Variants in MTUS1 observed in about 807,000 individuals in gnomAD.
MTUS1 encodes microtubule associated scaffold protein 1.
A neutral mutation model predicts 120.8 loss-of-function variants in MTUS1; 109 were observed. That is an observed-to-expected ratio of 0.90 (90% confidence interval 0.77 to 1.06). The LOEUF (loss-of-function observed/expected upper bound fraction) is 1.06. MTUS1 is among the 50% of genes least tolerant of loss of function. The pLI is 0.00. For synonymous variants in MTUS1, 737 were observed against 550.5 expected (o/e 1.34, Z -4.74); for missense variants, 2,210 against 1,486.3 (o/e 1.49, Z -8.01).
At chr8:17,730,397 A>G (rs1207739030) in intron 3 of MTUS1, among the ~76,000 whole-genome samples, 1 of 151,950 alleles carries the variant, frequency 6.6e-6, no homozygotes, top group Non-Finnish European at 1.5e-5. Context: ...AGGTAGGAGA[A>G]TCACTTGAGC....
At chr8:17,658,936 C>G (rs1013554942) in intron 8 of MTUS1, among the ~76,000 whole-genome samples, 1 of 150,668 alleles carries the variant, frequency 6.6e-6, no homozygotes, top group Non-Finnish European at 1.5e-5. Flanking sequence ...AATCAATCTA[C>G]AAATGTTTAT....
chr8:17,799,417 T>A (rs959366240), intron 1 of MTUS1, among the ~76,000 whole-genome samples: 41 of 152,006 alleles, frequency 2.7e-4, no homozygotes, highest in South Asian at 1.2e-3. Context: ...CTATAAAAAA[T>A]TTTTCTATAT....
intron 1 of MTUS1, among the ~76,000 whole-genome samples, chr8:17,775,651 G>A (rs937481310): frequency 1.3e-5 from 2 of 152,214 alleles, no homozygotes; most frequent in South Asian, 4.1e-4. Context: ...TCATAGAAGA[G>A]TAAAATTATC....
In MTUS1 at chr8:17,645,953, G is replaced by T. The variant is rs776074600; in HGVS notation, c.3786C>A (p.Phe1262Leu). ...PLQSPRNSGS[F>L]PSPSISPR ...ATCTGGGTGAAATGCTGGGGCTAGG[G>T]AAGGAGCCCGAATTCCTTGGTGACT... Residue 1262 changes from phenylalanine (F) to leucine (L), a missense_variant, in exon 15 of 15, where the codon TTC becomes TTA. By Grantham distance (22) the Phe-to-Leu change is conservative. Transcript: ENST00000693296. The T allele has an allele frequency of 3.7e-6, 6 of 1,612,344 alleles. No individual in the cohort carries two copies. The African/African-American group carries it at 6.7e-5, about 18-fold the overall frequency.
chr8:17,652,864 G>A (rs1807331104), intron 12 of MTUS1, among the ~76,000 whole-genome samples: 1 of 150,956 alleles, frequency 6.6e-6, no homozygotes, highest in African/African-American at 2.4e-5. Context: ...AGTGAACTTT[G>A]TAGTTTGTTT....
intron 8 of MTUS1, among the ~76,000 whole-genome samples, chr8:17,659,270 G>C (rs1292403674): frequency 6.6e-6 from 1 of 152,216 alleles, no homozygotes; most frequent in African/African-American, 2.4e-5. Context: ...AGAGACAACA[G>C]ACAGAGGAGA....
intron 2 of MTUS1, among the ~76,000 whole-genome samples, chr8:17,751,566 G>GA (rs61384260): frequency 0.73 from 110,562 of 151,806 alleles, 42,547 homozygotes; most frequent in Middle Eastern, 0.89. Context: ...ACATGATCGT[G>GA]AAAAAAGAGT....
At chr8:17,791,507 C>T (rs1227110490) in intron 1 of MTUS1, among the ~76,000 whole-genome samples, 1 of 152,150 alleles carries the variant, frequency 6.6e-6, no homozygotes, top group Admixed American at 6.5e-5. Context: ...AATTGTCTTT[C>T]GAATGTGCTG....
Position 17,680,464 on chromosome 8 carries a change from C to CAAAAA in MTUS1, c.2838+3859_2838+3863dup, listed in dbSNP as rs58490523. Among the ~76,000 whole-genome samples, 20 of 24,298 alleles carry CAAAAA rather than the reference C, an allele frequency of 8.2e-4. 2 individuals carry two copies. The highest frequency in any genetic ancestry group is 1.4e-3 in the Non-Finnish European group (16 of 11,642). 15.9% of individuals were successfully genotyped at this position (24,298 alleles called of 152,430 possible). ...GGGTGACAGAGCAAGGCCACTGTCG[C>CAAAAA]AAAAAAAAAAAAAAAAAAAAAAAAA... On this transcript the variant is annotated intron_variant, in intron 7 of 14. Transcript: ENST00000693296.
chr8:17,719,860 G>C (rs1585935255), intron 4 of MTUS1, among the ~76,000 whole-genome samples: 1 of 152,236 alleles, frequency 6.6e-6, no homozygotes, highest in African/African-American at 2.4e-5. Flanking sequence ...TTAATCACTT[G>C]AACAACTCAA....
At chr8:17,728,127 G>A (rs886894329) in intron 3 of MTUS1, among the ~76,000 whole-genome samples, 6 of 152,164 alleles carry the variant, frequency 3.9e-5, no homozygotes, top group Admixed American at 6.5e-5. Context: ...GTAGAATGGC[G>A]CTTGCCAGGG....
chr8:17,722,233 C>G (rs2045900403), intron 4 of MTUS1: 1 of 999,170 alleles, frequency 1.0e-6, no homozygotes, highest in Non-Finnish European at 1.2e-6. Context: ...AAACGGTGGC[C>G]AAGTCAACAT....
chr8:17,659,300 A>G (rs1393760056), intron 8 of MTUS1, among the ~76,000 whole-genome samples: 1 of 152,190 alleles, frequency 6.6e-6, no homozygotes, highest in Non-Finnish European at 1.5e-5. Context: ...ACCAGGCCAG[A>G]CCTTGGGGCC....
At chr8:17,674,597 G>A (rs980580780) in intron 8 of MTUS1, 2 of 986,018 alleles carry the variant, frequency 2.0e-6, no homozygotes, top group Non-Finnish European at 2.4e-6. Context: ...GGGCTGGGTG[G>A]TGGGTGTTGA....
At chr8:17,718,899 G>C (rs1480464318) in intron 4 of MTUS1, among the ~76,000 whole-genome samples, 1 of 151,306 alleles carries the variant, frequency 6.6e-6, no homozygotes, top group Non-Finnish European at 1.5e-5. Context: ...GCTGGGCACA[G>C]TGGCTCACAA....
chr8:17,694,313 T>C (rs1817533747), intron 6 of MTUS1, among the ~76,000 whole-genome samples: 1 of 152,192 alleles, frequency 6.6e-6, no homozygotes, highest in African/African-American at 2.4e-5. Context: ...TTTCAAATGA[T>C]GGAGTCTTAG....
chr8:17,778,389 T>G (rs557541889), intron 1 of MTUS1, among the ~76,000 whole-genome samples: 6 of 152,304 alleles, frequency 3.9e-5, no homozygotes, highest in African/African-American at 7.2e-5. Flanking sequence ...CAAGGAAACT[T>G]TGAAATAATG....
chr8:17,711,288 C>A (rs930226238), intron 6 of MTUS1, among the ~76,000 whole-genome samples: 1 of 152,222 alleles, frequency 6.6e-6, no homozygotes, highest in Non-Finnish European at 1.5e-5. Context: ...TTCACCTACA[C>A]TGAATGTCTG....
intron 1 of MTUS1, among the ~76,000 whole-genome samples, chr8:17,775,143 G>A (rs530557653): frequency 9.9e-5 from 15 of 152,160 alleles, no homozygotes; most frequent in African/African-American, 3.6e-4. Flanking sequence ...TTTCTGTGTG[G>A]GATGATGAAC....
Sources: allele counts gnomAD v4.1 joint callset (sites outside exome capture counted in the v4.1 genomes callset), GRCh38; gene constraint gnomAD v4.1.1; transcripts MANE v1.5; gene names NCBI Gene and HGNC (gene_info 2026-07-23, HGNC 2026-07-21).